Variants in ERG observed in about 807,000 individuals in gnomAD.
ERG encodes ETS transcription factor ERG.
ERG carries 9 observed loss-of-function variants against 55.3 expected under a neutral mutation model. That is an observed-to-expected ratio of 0.16 (90% CI 0.10 to 0.28). The LOEUF (loss-of-function observed/expected upper bound fraction) is 0.28, where lower values mean the gene tolerates loss of function less well. Among genes scored for constraint, ERG ranks in the 10% least tolerant of loss-of-function variants. The probability of loss-of-function intolerance (pLI) is 1.00; values close to 1 mark genes in which losing one functional copy is unlikely to be tolerated. For missense variants in ERG, 434 were observed against 631.6 expected (o/e 0.69, Z 3.35); for synonymous variants, 223 against 237.3 (o/e 0.94, Z 0.55).
chr21:38,566,384 A>T (rs1298977818), intron 2 of ERG, among the ~76,000 whole-genome samples: 3 of 152,210 alleles, frequency 2.0e-5, no homozygotes, highest in Non-Finnish European at 4.4e-5. Flanking sequence ...AACGAGGATA[A>T]TGATCCTCAA....
intron 1 of ERG, among the ~76,000 whole-genome samples, chr21:38,458,161 C>T (rs1013326489): frequency 6.6e-6 from 1 of 152,118 alleles, no homozygotes; most frequent in Non-Finnish European, 1.5e-5. Context: ...CATGGTGGCT[C>T]GTGCCTGTAA....
intron 1 of ERG, among the ~76,000 whole-genome samples, chr21:38,642,036 G>A (rs1370439116): frequency 6.6e-6 from 1 of 152,188 alleles, no homozygotes; most frequent in Non-Finnish European, 1.5e-5. Flanking sequence ...CAACAGAAGA[G>A]GACTAGGTAG....
Position 38,510,787 on chromosome 21 carries a change from G to A in ERG, c.-41+64875C>T, listed in dbSNP as rs1486149150. On this transcript the variant is annotated intron_variant, in intron 2 of 8. Transcript: ENST00000398897. Reference sequence around the variant, plus strand: ...ACAAATGCAAAAAAAGGAATTGACAGTACACATTGAAATCGATTTTCCCCT... The same window carrying A: ...ACAAATGCAAAAAAAGGAATTGACAATACACATTGAAATCGATTTTCCCCT... Among the ~76,000 whole-genome samples the A allele has an allele frequency of 2.0e-5, 3 of 152,196 alleles. No homozygotes were observed. The East Asian group carries it at 5.8e-4, about 29-fold the overall frequency.
At chr21:38,389,004 A>C (rs1158494360) in intron 9 of ERG, among the ~76,000 whole-genome samples, 1 of 152,214 alleles carries the variant, frequency 6.6e-6, no homozygotes, top group East Asian at 1.9e-4. Context: ...GTGTGAGTGC[A>C]AAGGCCAGTT....
chr21:38,386,789 ATT>A (rs34882520), intron 9 of ERG, among the ~76,000 whole-genome samples: 16,942 of 148,428 alleles, frequency 0.11, 1,154 homozygotes, highest in South Asian at 0.18. Flanking sequence ...CTTCAGATCT[ATT>A]TTTTTTTTTT....
intron 6 of ERG, chr21:38,400,225 G>A: frequency 2.2e-6 from 1 of 446,062 alleles, no homozygotes; most frequent in Admixed American, 3.3e-5. Flanking sequence ...TGAATCTGGG[G>A]AGTGTCCTTG....
intron 1 of ERG, among the ~76,000 whole-genome samples, chr21:38,644,690 T>C (rs1234386294): frequency 6.6e-6 from 1 of 151,520 alleles, no homozygotes; most frequent in African/African-American, 2.4e-5. Context: ...CAGGATTATA[T>C]CAATTAAATA....
chr21:38,545,845 G>A (rs1481493414), intron 2 of ERG, among the ~76,000 whole-genome samples: 2 of 152,178 alleles, frequency 1.3e-5, no homozygotes, highest in Admixed American at 1.3e-4. Flanking sequence ...CAACTCCACA[G>A]TGTCTCATTA....
upstream of ERG, chr21:38,498,552 C>T: frequency 7.5e-7 from 1 of 1,334,590 alleles, no homozygotes; most frequent in Non-Finnish European, 9.6e-7. The surrounding 1 kb of genome is among the most constrained non-coding windows in gnomAD (Gnocchi z 4.6). Context: ...GCTGTCCAGC[C>T]CAAAGAAACA....
At chr21:38,374,199 G>A in the ERG span, among the ~76,000 whole-genome samples, 14 of 152,322 alleles carry the variant, frequency 9.2e-5, no homozygotes, top group Admixed American at 1.3e-4. Flanking sequence ...GGCTGTGGGC[G>A]TCTGCCCCAC....
chr21:38,418,665 G>C (rs1989393353), intron 3 of ERG, among the ~76,000 whole-genome samples: 2 of 152,060 alleles, frequency 1.3e-5, no homozygotes, highest in South Asian at 4.2e-4. Context: ...GGTGGTTCAT[G>C]CCTGTAATCC....
rs772328478 is a variant in ERG, at chr21:38,610,058, G to A, written c.-149-25113C>T. Reference sequence around the variant, plus strand: ...ACCTGGCTGGTGCCTTTAGAGTGGCGAGAGATGAGAGGCCACAAGGGAAGG... The same window carrying A: ...ACCTGGCTGGTGCCTTTAGAGTGGCAAGAGATGAGAGGCCACAAGGGAAGG... On this transcript the variant is annotated intron_variant, in intron 1 of 10. Transcript: ENST00000398910. Among the ~76,000 whole-genome samples the A allele has an allele frequency of 2.6e-5, 4 of 152,176 alleles. No individual in the cohort carries two copies. The South Asian group carries it at 8.3e-4, about 32-fold the overall frequency.
chr21:38,449,872 T>C (rs1218847330), intron 1 of ERG, among the ~76,000 whole-genome samples: 2 of 152,274 alleles, frequency 1.3e-5, no homozygotes, highest in African/African-American at 2.4e-5. Flanking sequence ...TCTTTAAGAA[T>C]GGTCAGGTGA....
At chr21:38,611,248 C>G (rs2060225326) in intron 1 of ERG, among the ~76,000 whole-genome samples, 1 of 152,194 alleles carries the variant, frequency 6.6e-6, no homozygotes, top group African/African-American at 2.4e-5. Flanking sequence ...CCCATGTTCC[C>G]TGCTTCAAAC....
chr21:38,370,836 T>C, the ERG span, among the ~76,000 whole-genome samples: 1 of 152,004 alleles, frequency 6.6e-6, no homozygotes, highest in Non-Finnish European at 1.5e-5. Flanking sequence ...TAAGATTTAG[T>C]TCCTAGGGGA....
chr21:38,517,416 C>T (rs2059560306), intron 2 of ERG, among the ~76,000 whole-genome samples: 1 of 152,084 alleles, frequency 6.6e-6, no homozygotes, highest in Non-Finnish European at 1.5e-5. Flanking sequence ...GAGATATCAT[C>T]ATACCTTAGT....
At chr21:38,472,985 C>T (rs891431896) in intron 1 of ERG, among the ~76,000 whole-genome samples, 2 of 152,290 alleles carry the variant, frequency 1.3e-5, no homozygotes, top group South Asian at 2.1e-4. Flanking sequence ...CTCGGCTCCC[C>T]GCCTGCAGAC....
intron 1 of ERG, among the ~76,000 whole-genome samples, chr21:38,653,901 A>G (rs2146989677): frequency 6.6e-6 from 1 of 152,346 alleles, no homozygotes; most frequent in South Asian, 2.1e-4. Flanking sequence ...GTAATGCTTA[A>G]TTTTGCAAAG....
chr21:38,433,675 T>C (rs978838363), intron 2 of ERG, among the ~76,000 whole-genome samples: 1 of 152,018 alleles, frequency 6.6e-6, no homozygotes, highest in Admixed American at 6.5e-5. Flanking sequence ...TGGGCCTCAT[T>C]TATCCAAGAA....
Sources: gnomAD v4.1 joint callset for allele counts (sites outside exome capture counted in the v4.1 genomes callset) on GRCh38, gnomAD v4.1.1 for gene constraint, Gnocchi (gnomAD v3.1) non-coding constraint, MANE v1.5 for transcripts, NCBI Gene and HGNC (gene_info 2026-07-23, HGNC 2026-07-21) for gene names.